PTPRD: variants seen among roughly 807,000 people sequenced by gnomAD.
PTPRD encodes the protein protein tyrosine phosphatase receptor type D, also known as receptor-type tyrosine-protein phosphatase delta.
In PTPRD, 34 loss-of-function variants were observed where a neutral mutation model predicts 214.5. That is an observed-to-expected ratio of 0.16 (90% confidence interval 0.12 to 0.21). PTPRD has a LOEUF of 0.21. Ranked by LOEUF, PTPRD falls within the 10% of genes least tolerant of loss-of-function variation. PTPRD has a pLI of 1.00. For missense variants in PTPRD, 2,545 were observed against 2,398.7 expected (o/e 1.06, Z -1.27); for synonymous variants, 1,128 against 845.7 (o/e 1.33, Z -5.79).
intron 11 of PTPRD, among the ~76,000 whole-genome samples, chr9:8,857,387 C>T (rs1304877483): frequency 2.6e-5 from 4 of 152,160 alleles, no homozygotes; most frequent in African/African-American, 4.8e-5. Context: ...CACCCCCATT[C>T]TCTAGAGTCG....
chr9:9,541,871 A>G (rs1432166022), intron 8 of PTPRD, among the ~76,000 whole-genome samples: 1 of 151,780 alleles, frequency 6.6e-6, no homozygotes, highest in East Asian at 1.9e-4. Flanking sequence ...TAACTATTGA[A>G]TGTTGGGTGG....
chr9:8,718,093 T>C (rs1178303295), intron 12 of PTPRD, among the ~76,000 whole-genome samples: 2 of 152,192 alleles, frequency 1.3e-5, no homozygotes, highest in East Asian at 3.9e-4. Flanking sequence ...GGCAAAGCTG[T>C]GAAGTAAGAA....
intron 12 of PTPRD, among the ~76,000 whole-genome samples, chr9:8,664,107 C>A (rs1285625974): frequency 2.6e-5 from 4 of 152,172 alleles, no homozygotes; most frequent in Non-Finnish European, 5.9e-5. Flanking sequence ...AACACTACAA[C>A]ACAGTGCAAA....
chr9:8,886,875 TAC>T (rs1189396184), intron 11 of PTPRD, among the ~76,000 whole-genome samples: 1 of 152,244 alleles, frequency 6.6e-6, no homozygotes, highest in African/African-American at 2.4e-5. Context: ...CTGGAAGATA[TAC>T]ACACACAAAC....
chr9:8,738,364 A>AT (rs142541486), intron 11 of PTPRD, among the ~76,000 whole-genome samples: 10,782 of 152,052 alleles, frequency 0.071, 1,081 homozygotes, highest in African/African-American at 0.23. Flanking sequence ...GATTTGTACT[A>AT]TTTTTTCAGC....
At chr9:10,161,821 A>G (rs2099128889) in intron 3 of PTPRD, among the ~76,000 whole-genome samples, 1 of 151,852 alleles carries the variant, frequency 6.6e-6, no homozygotes, top group Non-Finnish European at 1.5e-5. Context: ...ACCAGAATAT[A>G]TAAGAAGCTG....
At chr9:9,309,250 CT>C (rs2135385203) in intron 9 of PTPRD, among the ~76,000 whole-genome samples, 1 of 151,388 alleles carries the variant, frequency 6.6e-6, no homozygotes, top group African/African-American at 2.4e-5. Context: ...TTGCTCTCCC[CT>C]ATCTCAAACT....
At chr9:8,487,424 C>G (rs778254072) in intron 27 of PTPRD, among the ~76,000 whole-genome samples, 2 of 151,824 alleles carry the variant, frequency 1.3e-5, no homozygotes, top group Non-Finnish European at 2.9e-5. Flanking sequence ...AAAACTAAAC[C>G]AAGTTAACAG....
intron 2 of PTPRD, among the ~76,000 whole-genome samples, chr9:10,503,133 T>A (rs1233380650): frequency 1.7e-5 from 2 of 120,758 alleles, no homozygotes; most frequent in Admixed American, 2.5e-4. Flanking sequence ...TTTACAGAAT[T>A]AAAAGAATGG....
chr9:10,105,686 G>A (rs1466658319), intron 3 of PTPRD, among the ~76,000 whole-genome samples: 1 of 151,730 alleles, frequency 6.6e-6, no homozygotes, highest in Non-Finnish European at 1.5e-5. Context: ...ACCAAAAGAT[G>A]TCTGAATTAC....
chr9:10,580,057 CTT>C (rs1567042060), intron 2 of PTPRD, among the ~76,000 whole-genome samples: 1 of 152,098 alleles, frequency 6.6e-6, no homozygotes, highest in Non-Finnish European at 1.5e-5. Context: ...AGGGTTAACT[CTT>C]TGTTGTTCTA....
Position 10,341,028 on chromosome 9 carries a change from G to C in PTPRD, c.-599-11C>G, listed in dbSNP as rs1051558285. 2.0e-5 allele frequency: 3 copies of C among 151,910 alleles called. No homozygotes were observed. Among genetic ancestry groups the C allele is most frequent in the Non-Finnish European group, 4.4e-5 (3 of 67,888 alleles). The allele number at this position is 151,910 out of a possible 1,614,324, so 9.4% of individuals were successfully genotyped here. A position where few individuals can be genotyped will look rare whatever the true frequency, so the allele number is the denominator to read the frequency against. ...TCTTCACTTCTTCACCTGCAAAAAT[G>C]AGGACATTGGGCTAGATCCATTATT... On this transcript the variant is annotated splice_polypyrimidine_tract_variant and intron_variant, in intron 2 of 45. Transcript: ENST00000381196.
chr9:8,808,322 G>C (rs757559839), intron 11 of PTPRD, among the ~76,000 whole-genome samples: 2 of 152,018 alleles, frequency 1.3e-5, no homozygotes, highest in African/African-American at 4.8e-5. Flanking sequence ...ACTCCGTGCA[G>C]ACACTGCGTC....
chr9:9,025,794 G>T (rs2099585022), intron 10 of PTPRD, among the ~76,000 whole-genome samples: 1 of 151,860 alleles, frequency 6.6e-6, no homozygotes, highest in African/African-American at 2.4e-5. Flanking sequence ...ATTAAAAAAA[G>T]AAAATAATAC....
intron 8 of PTPRD, among the ~76,000 whole-genome samples, chr9:9,454,038 C>A (rs2092638183): frequency 6.6e-6 from 1 of 150,938 alleles, no homozygotes; most frequent in African/African-American, 2.4e-5. Flanking sequence ...TTATATTTTC[C>A]TTATTTATAT....
At chr9:9,539,756 C>G (rs544528256) in intron 8 of PTPRD, among the ~76,000 whole-genome samples, 1 of 151,856 alleles carries the variant, frequency 6.6e-6, no homozygotes, top group Non-Finnish European at 1.5e-5. Flanking sequence ...GAATGCTACT[C>G]ACTAAATTGC....
At chr9:8,398,085 G>C (rs1316843470) in intron 36 of PTPRD, among the ~76,000 whole-genome samples, 2 of 152,056 alleles carry the variant, frequency 1.3e-5, no homozygotes, top group African/African-American at 2.4e-5. Context: ...TTTTTCCATA[G>C]ATCACATATC....
intron 11 of PTPRD, among the ~76,000 whole-genome samples, chr9:8,772,918 T>C (rs989733135): frequency 1.3e-5 from 2 of 152,202 alleles, no homozygotes; most frequent in Non-Finnish European, 2.9e-5. Context: ...TTTTGATAAC[T>C]TTAGGCCTTG....
intron 2 of PTPRD, among the ~76,000 whole-genome samples, chr9:10,350,789 G>T (rs539583464): frequency 6.6e-6 from 1 of 152,112 alleles, no homozygotes; most frequent in African/African-American, 2.4e-5. Context: ...TAAAGCTAAT[G>T]GTCATCGTGC....
Sources: gnomAD v4.1 joint callset for allele counts (sites outside exome capture counted in the v4.1 genomes callset) on GRCh38, gnomAD v4.1.1 for gene constraint, MANE v1.5 for transcripts, NCBI Gene and HGNC (gene_info 2026-07-23, HGNC 2026-07-21) for gene names.